The following SMYD3 variants were observed in gnomAD, a reference collection of about 807,000 sequenced individuals.
SMYD3 encodes the protein histone-lysine N-methyltransferase SMYD3.
SMYD3 carries 36 observed loss-of-function variants against 57.7 expected under a neutral mutation model. The observed-to-expected ratio is 0.62, with a 90% confidence interval of 0.48 to 0.82. The LOEUF is 0.82. SMYD3 is among the 40% of genes least tolerant of loss of function. SMYD3 has a pLI of 0.00. For missense variants in SMYD3, 515 were observed against 538.8 expected, an observed-to-expected ratio of 0.96 and a Z score of 0.44; for synonymous variants, 211 against 195.0, an observed-to-expected ratio of 1.08 and a Z score of -0.68.
rs1402755829 is a variant in SMYD3, at chr1:246,203,748, A to AG, written c.531+123452dup. On this transcript the variant is annotated intron_variant, in intron 5 of 11. Transcript: ENST00000490107. This position sits in a 1 kb window ranked among gnomAD's most constrained non-coding sequence, Gnocchi z 4.6. Reference sequence around the variant, plus strand: ...ATATGAATTTGCGGGGACACAGTTCAGCCCAGAACACACTCTCCTTCTCCT... The same window carrying AG: ...ATATGAATTTGCGGGGACACAGTTCAGGCCCAGAACACACTCTCCTTCTCCT... Among the ~76,000 whole-genome samples, 1 of 152,216 alleles carries AG rather than the reference A, an allele frequency of 6.6e-6. No homozygotes were observed. The highest frequency in any genetic ancestry group is 2.4e-5 in the African/African-American group (1 of 41,448).
chr1:245,885,434 C>G (rs2053037308), intron 8 of SMYD3, among the ~76,000 whole-genome samples: 1 of 152,174 alleles, frequency 6.6e-6, no homozygotes, highest in African/African-American at 2.4e-5. Flanking sequence ...TTGTCTATGT[C>G]TGTGACTCGA....
intron 5 of SMYD3, among the ~76,000 whole-genome samples, chr1:246,037,592 G>T (rs1402071966): frequency 6.6e-6 from 1 of 152,156 alleles, no homozygotes. Flanking sequence ...TCCTGCTCCG[G>T]CAATGCCGTT....
At chr1:246,090,981 C>T (rs1558219645) in intron 5 of SMYD3, among the ~76,000 whole-genome samples, 1 of 152,112 alleles carries the variant, frequency 6.6e-6, no homozygotes, top group Admixed American at 6.5e-5. Flanking sequence ...CAGCAGTCAC[C>T]GAAATGGTGA....
intron 10 of SMYD3, among the ~76,000 whole-genome samples, chr1:245,803,643 T>C (rs1572380420): frequency 6.6e-6 from 1 of 152,172 alleles, no homozygotes; most frequent in East Asian, 1.9e-4. Context: ...ATTATAGAAA[T>C]GCCTTCTGGA....
intron 5 of SMYD3, among the ~76,000 whole-genome samples, chr1:246,098,614 T>G (rs1259550374): frequency 1.3e-5 from 2 of 152,232 alleles, no homozygotes; most frequent in African/African-American, 4.8e-5. Flanking sequence ...TTTTTGAGGC[T>G]GAGTGACACA....
At chr1:246,422,270 T>C (rs1452596054) in intron 1 of SMYD3, among the ~76,000 whole-genome samples, 3 of 152,150 alleles carry the variant, frequency 2.0e-5, no homozygotes, top group African/African-American at 4.8e-5. Context: ...CTTGTTAGGA[T>C]CTTGTTTAGA....
chr1:245,957,268 A>C (rs1246216455), intron 5 of SMYD3, among the ~76,000 whole-genome samples: 2 of 152,216 alleles, frequency 1.3e-5, no homozygotes, highest in African/African-American at 2.4e-5. Context: ...TAGCTAAAAA[A>C]AGAAAGACCA....
chr1:246,055,790 T>C (rs184547517), intron 5 of SMYD3, among the ~76,000 whole-genome samples: 71 of 152,276 alleles, frequency 4.7e-4, no homozygotes, highest in African/African-American at 1.6e-3. Context: ...CCTATAGAAG[T>C]ACCTAGAATT....
intron 5 of SMYD3, among the ~76,000 whole-genome samples, chr1:246,145,408 GATC>G (rs765890080): frequency 5.3e-5 from 8 of 152,262 alleles, no homozygotes; most frequent in Non-Finnish European, 1.0e-4. Context: ...GAATTGTTGG[GATC>G]ATATTAGATA....
At chr1:246,036,696 G>A (rs1212807955) in intron 5 of SMYD3, among the ~76,000 whole-genome samples, 4 of 144,498 alleles carry the variant, frequency 2.8e-5, no homozygotes, top group African/African-American at 1.0e-4. Flanking sequence ...TGGGACTACA[G>A]GCGCCTGCCA....
chr1:246,181,449 T>C (rs756894146), intron 5 of SMYD3, among the ~76,000 whole-genome samples: 1 of 152,176 alleles, frequency 6.6e-6, no homozygotes, highest in Non-Finnish European at 1.5e-5. Flanking sequence ...GCTGAGACTA[T>C]TCAGTAATGG....
At chr1:245,783,081 C>G (rs903117680) in intron 10 of SMYD3, among the ~76,000 whole-genome samples, 11 of 152,160 alleles carry the variant, frequency 7.2e-5, no homozygotes, top group Middle Eastern at 3.2e-3. Context: ...ATTCCATATA[C>G]AGACTTTAAC....
intron 10 of SMYD3, among the ~76,000 whole-genome samples, chr1:245,857,435 G>A (rs78559220): frequency 0.56 from 84,160 of 151,618 alleles, 26,523 homozygotes; most frequent in Non-Finnish European, 0.73. Flanking sequence ...TCCCTCTAGC[G>A]GGAACAGGAA....
intron 10 of SMYD3, among the ~76,000 whole-genome samples, chr1:245,842,352 T>C (rs550509776): frequency 3.0e-4 from 45 of 152,324 alleles, no homozygotes; most frequent in Admixed American, 2.7e-3. Context: ...TTTTGATGAA[T>C]TGGCTTTCCA....
At chr1:246,048,072 TAAGGA>T (rs2060001793) in intron 5 of SMYD3, among the ~76,000 whole-genome samples, 1 of 151,770 alleles carries the variant, frequency 6.6e-6, no homozygotes, top group African/African-American at 2.4e-5. Context: ...TATAAATCGA[TAAGGA>T]AAAGACCAAA....
chr1:246,002,253 C>G (rs746060503), intron 5 of SMYD3, among the ~76,000 whole-genome samples: 1 of 140,616 alleles, frequency 7.1e-6, no homozygotes, highest in South Asian at 2.4e-4. Flanking sequence ...GGCGCGATCT[C>G]GGCTCACTGC....
At chr1:246,056,363 C>A (rs546261853) in intron 5 of SMYD3, among the ~76,000 whole-genome samples, 238 of 152,156 alleles carry the variant, frequency 1.6e-3, no homozygotes, top group African/African-American at 5.6e-3. Context: ...GACATTCATT[C>A]AACAAATACT....
At chr1:246,314,536 G>A (rs1054469765) in intron 5 of SMYD3, among the ~76,000 whole-genome samples, 2 of 152,192 alleles carry the variant, frequency 1.3e-5, no homozygotes, top group African/African-American at 2.4e-5. Context: ...AAACAAAGGA[G>A]TGCGGCACTA....
At chr1:246,362,449 CTCCCTCTCCCTCTCCACGGTCTCCCT>C (rs1558424251) in intron 1 of SMYD3, among the ~76,000 whole-genome samples, 1 of 17,406 alleles carries the variant, frequency 5.7e-5, no homozygotes, top group East Asian at 7.0e-4. Context: ...CGGTCTCCCT[CTCCCTCTCCCTCTCCACGGTCTCCCT>C]CTCCCTCTCT....
Sources: gnomAD v4.1 joint callset for allele counts (sites outside exome capture counted in the v4.1 genomes callset) on GRCh38, gnomAD v4.1.1 for gene constraint, Gnocchi (gnomAD v3.1) non-coding constraint, MANE v1.5 for transcripts, NCBI Gene and HGNC (gene_info 2026-07-23, HGNC 2026-07-21) for gene names.